Variants in RAB40B observed in about 807,000 individuals in gnomAD.
The protein encoded by RAB40B is ras-related protein Rab-40B.
RAB40B carries 21 observed loss-of-function variants against 24.0 expected under a neutral mutation model. That is an observed-to-expected ratio of 0.88 (90% CI 0.62 to 1.26). The LOEUF (loss-of-function observed/expected upper bound fraction) is 1.26, where lower values mean the gene tolerates loss of function less well. Among genes scored for constraint, RAB40B ranks in the 50% most tolerant of loss-of-function variants. The probability of loss-of-function intolerance (pLI) is 0.00; values close to 1 mark genes in which losing one functional copy is unlikely to be tolerated. For missense variants in RAB40B, 348 were observed against 390.5 expected (o/e 0.89, Z 0.92); for synonymous variants, 167 against 169.8 (o/e 0.98, Z 0.13).
chr17:82,668,368 G>A (rs982885636), intron 1 of RAB40B: 1 of 154,328 alleles, frequency 6.5e-6, no homozygotes, highest in African/African-American at 2.4e-5. Flanking sequence ...AGGCCCCCTT[G>A]AAGCTTCAAG....
At chr17:82,665,095 G>A (rs576983086) in intron 1 of RAB40B, among the ~76,000 whole-genome samples, 107 of 152,204 alleles carry the variant, frequency 7.0e-4, no homozygotes, top group Admixed American at 3.2e-3. Flanking sequence ...CTGTGTACAT[G>A]TGCATGTGAA....
At position 82,667,194 on chromosome 17, in the gene RAB40B, T is replaced by C. The variant is rs1472744214; in HGVS notation, c.143-2638A>G. 2.6e-5 allele frequency among the ~76,000 whole-genome samples: 4 copies of C among 152,224 alleles called. No individual in the cohort carries two copies. Among genetic ancestry groups the C allele is most frequent in the Admixed American group, 2.0e-4 (3 of 15,284 alleles). On this transcript the variant is annotated intron_variant, in intron 1 of 5. Coordinates refer to ENST00000571995, the MANE Select transcript of RAB40B (RefSeq NM_006822.3). The surrounding 1 kb of genome is among the most constrained non-coding windows in gnomAD (Gnocchi z 4.3). ...TGCCCCCTCGAAGGGTCTAGAACCC[T>C]TGGACTTGGCCACAAGCCCCCCTGC...
intron 4 of RAB40B, 89 bp downstream of exon 4, chr17:82,659,490 CA>C: frequency 7.6e-7 from 1 of 1,313,836 alleles, no homozygotes; most frequent in East Asian, 2.3e-5. Context: ...CATGGGTACC[CA>C]TGAGCCCTGG....
At chr17:82,670,747 C>A (rs1319920995) in intron 1 of RAB40B, among the ~76,000 whole-genome samples, 1 of 151,810 alleles carries the variant, frequency 6.6e-6, no homozygotes, top group Non-Finnish European at 1.5e-5. Context: ...ATTGGCCAGG[C>A]TGGTCTCCAA....
chr17:82,660,799 G>A (rs1282541814), intron 3 of RAB40B, among the ~76,000 whole-genome samples, 188 bp downstream of exon 3: 2 of 152,218 alleles, frequency 1.3e-5, no homozygotes, highest in African/African-American at 2.4e-5. Context: ...GCTTACATCC[G>A]TAATACTGAT....
Position 82,657,458 on chromosome 17 carries a change from A to G in RAB40B, c.*405T>C. ...AGGTTTACAAAAAGACCCCTCTCGT[A>G]ATATCAGTGACTCTAAATTATCCCG... On this transcript the variant is annotated 3_prime_UTR_variant, in exon 6 of 6. Coordinates refer to ENST00000571995, the MANE Select transcript of RAB40B (RefSeq NM_006822.3). 1 of 339,946 alleles carries G rather than the reference A, an allele frequency of 2.9e-6. No individual in the cohort carries two copies. The highest frequency in any genetic ancestry group is 5.7e-6 in the Non-Finnish European group (1 of 175,672). 21.1% of individuals were successfully genotyped at this position (339,946 alleles called of 1,614,324 possible).
In RAB40B at chr17:82,674,614, G is replaced by C. The variant is rs999014863; in HGVS notation, c.143-10058C>G. 8.9e-4 allele frequency among the ~76,000 whole-genome samples: 132 copies of C among 148,248 alleles called. 1 individual carries two copies. The highest frequency in any genetic ancestry group is 3.1e-3 in the African/African-American group (125 of 40,334). On this transcript the variant is annotated intron_variant, in intron 1 of 5. Transcript: ENST00000571995. ...AGATCGCGCCACTGCACTCCAGCCT[G>C]GGCGACAGAGCAAGACTCGTCTTAA... is the stretch of plus-strand genomic sequence containing the variant.
rs907983245 is a variant in RAB40B at position 82,655,040 on chromosome 17, C to T, written c.*2823G>A. 3 of 152,110 alleles carry T rather than the reference C, an allele frequency of 2.0e-5. No individual in the cohort carries two copies. Among genetic ancestry groups the T allele is most frequent in the Non-Finnish European group, 1.5e-5 (1 of 68,024 alleles). 9.4% of individuals were successfully genotyped at this position (152,110 alleles called of 1,614,324 possible). ...CAAACACACAGTCTTCTACTTAGTC[C>T]GGTCTGTATTAGGTTTCGTCTGTTT... On this transcript the variant is annotated 3_prime_UTR_variant, in exon 6 of 6. Transcript: ENST00000571995.
intron 1 of RAB40B, among the ~76,000 whole-genome samples, chr17:82,677,094 G>A (rs1328233879): frequency 2.0e-5 from 3 of 151,644 alleles, no homozygotes; most frequent in South Asian, 4.2e-4. Flanking sequence ...GATTACAGGC[G>A]CCCGCCACCA....
chr17:82,678,629 T>G (rs2046418318), intron 1 of RAB40B, among the ~76,000 whole-genome samples: 1 of 152,214 alleles, frequency 6.6e-6, no homozygotes, highest in Non-Finnish European at 1.5e-5. Flanking sequence ...TATTCATCTC[T>G]CAGCCCAGCT....
At chr17:82,659,684 C>T (rs368856048) in intron 3 of RAB40B, 27 bp from the exon 4 acceptor site, 606 of 1,599,410 alleles carry the variant, frequency 3.8e-4, no homozygotes, top group Non-Finnish European at 4.9e-4. Flanking sequence ...AGGCTCAGCA[C>T]GCAGAACACA....
intron 1 of RAB40B, among the ~76,000 whole-genome samples, chr17:82,679,942 G>C (rs970069278): frequency 7.2e-5 from 11 of 152,230 alleles, no homozygotes; most frequent in African/African-American, 2.7e-4. Flanking sequence ...TGGGGAAGGG[G>C]GATCAAGGCA....
In RAB40B at chr17:82,658,705, G is replaced by A. The variant is rs555825061; in HGVS notation, c.351C>T (p.Pro117=). The change falls in exon 5 of 6, where the codon CCC becomes CCT. Residue 117 remains proline (P), a synonymous_variant. Coordinates refer to ENST00000571995, the MANE Select transcript of RAB40B (RefSeq NM_006822.3). The part of the protein sequence containing the change: ...RWIKEIDEHA[P]GVPKILVGNR... ...TCCCCACCAGGATCTTGGGGACTCC[G>A]GGGGCATGCTAGCGGGCAGGAGAAA... The A allele has an allele frequency of 1.6e-5, 26 of 1,608,974 alleles. No individual in the cohort carries two copies. Among genetic ancestry groups the A allele is most frequent in the African/African-American group, 9.4e-5 (7 of 74,848 alleles).
intron 2 of RAB40B, chr17:82,662,329 G>C (rs1288415948): frequency 1.0e-6 from 1 of 985,500 alleles, no homozygotes; most frequent in East Asian, 1.1e-4. Flanking sequence ...AAAAGCTATG[G>C]TCGAGGAGGC....
At chr17:82,664,845 C>T in intron 1 of RAB40B, 1 of 313,882 alleles carries the variant, frequency 3.2e-6, no homozygotes, top group East Asian at 6.6e-5. Flanking sequence ...TACATGTGAC[C>T]TGGAGGCCGG....
At chr17:82,662,010 C>G (rs1189778893) in intron 2 of RAB40B, 1 of 985,258 alleles carries the variant, frequency 1.0e-6, no homozygotes, top group East Asian at 1.1e-4. Flanking sequence ...TCTGCACATG[C>G]AACGAACACA....
intron 1 of RAB40B, among the ~76,000 whole-genome samples, chr17:82,673,907 T>G (rs759040689): frequency 2.2e-4 from 33 of 152,250 alleles, no homozygotes; most frequent in Admixed American, 2.1e-3. Flanking sequence ...CTTTCTTGTC[T>G]GATTTTGCAT....
intron 1 of RAB40B, among the ~76,000 whole-genome samples, chr17:82,679,428 C>G (rs1388114344): frequency 6.6e-6 from 1 of 151,754 alleles, no homozygotes; most frequent in Non-Finnish European, 1.5e-5. Context: ...ACTACAGGTG[C>G]CTGCCACCAC....
chr17:82,660,047 C>A (rs11870950), intron 3 of RAB40B, among the ~76,000 whole-genome samples: 59 of 152,230 alleles, frequency 3.9e-4, no homozygotes, highest in Non-Finnish European at 7.9e-4. Flanking sequence ...CACGCACACA[C>A]AGTGCACGTA....
Sources: gnomAD v4.1 joint callset for allele counts (sites outside exome capture counted in the v4.1 genomes callset) on GRCh38, gnomAD v4.1.1 for gene constraint, Gnocchi (gnomAD v3.1) non-coding constraint, MANE v1.5 for transcripts, NCBI Gene and HGNC (gene_info 2026-07-23, HGNC 2026-07-21) for gene names.